The following PSMA1 variants were observed in gnomAD, a reference collection of about 807,000 sequenced individuals.
PSMA1 encodes the protein proteasome 20S subunit alpha 1.
In PSMA1, 3 loss-of-function variants were observed where a neutral mutation model predicts 38.4. The observed-to-expected ratio is 0.08, with a 90% CI of 0.04 to 0.20. The LOEUF is 0.20. PSMA1 is among the 10% of genes least tolerant of loss of function. PSMA1 has a pLI of 1.00. For missense variants in PSMA1, 227 were observed against 325.3 expected, an observed-to-expected ratio of 0.70 and a Z score of 2.32; for synonymous variants, 101 against 107.1, an observed-to-expected ratio of 0.94 and a Z score of 0.35.
At chr11:14,537,717 T>TC (rs1851726379) in intron 2 of PSMA1, among the ~76,000 whole-genome samples, 1 of 151,246 alleles carries the variant, frequency 6.6e-6, no homozygotes, top group East Asian at 1.9e-4. Flanking sequence ...TACCCTTTTT[T>TC]TTTTTTTTTT....
At chr11:14,601,760 T>TA (rs1852582938) in intron 2 of PSMA1, among the ~76,000 whole-genome samples, 2 of 152,172 alleles carry the variant, frequency 1.3e-5, no homozygotes, top group Non-Finnish European at 2.9e-5. Context: ...TCCGAGGCCA[T>TA]ATATCTAGTA....
At chr11:14,559,302 G>A (rs1223155350) in intron 2 of PSMA1, among the ~76,000 whole-genome samples, 1 of 152,172 alleles carries the variant, frequency 6.6e-6, no homozygotes, top group Non-Finnish European at 1.5e-5. Context: ...GATGTAGTGG[G>A]TTAAGGAAGG....
intron 1 of PSMA1, among the ~76,000 whole-genome samples, chr11:14,635,405 T>A (rs1383156984): frequency 1.3e-5 from 2 of 152,208 alleles, no homozygotes; most frequent in Admixed American, 1.3e-4. Context: ...GAGTTGTCAC[T>A]GGGAACAGTC....
chr11:14,513,292 C>T (rs906308946), intron 7 of PSMA1, among the ~76,000 whole-genome samples: 2 of 152,160 alleles, frequency 1.3e-5, no homozygotes, highest in Non-Finnish European at 2.9e-5. Context: ...CTCCACTCCA[C>T]AGGGCACACT....
chr11:14,573,464 C>T (rs192240457), intron 2 of PSMA1, among the ~76,000 whole-genome samples: 1 of 152,134 alleles, frequency 6.6e-6, no homozygotes, highest in African/African-American at 2.4e-5. Flanking sequence ...ATTCAACAGG[C>T]CTTCATGCTA....
chr11:14,554,029 G>T (rs1460532916), intron 2 of PSMA1, among the ~76,000 whole-genome samples: 2 of 151,992 alleles, frequency 1.3e-5, no homozygotes, highest in Non-Finnish European at 2.9e-5. Context: ...ATCTCATCAT[G>T]GTTTTAATTT....
intron 7 of PSMA1, among the ~76,000 whole-genome samples, chr11:14,512,095 T>C (rs1851353960): frequency 6.6e-6 from 1 of 152,114 alleles, no homozygotes; most frequent in Non-Finnish European, 1.5e-5. Flanking sequence ...AAATACCTGG[T>C]TGGGTGTGGT....
chr11:14,559,515 G>A (rs1245521212), intron 2 of PSMA1, among the ~76,000 whole-genome samples: 10 of 152,186 alleles, frequency 6.6e-5, no homozygotes, highest in African/African-American at 2.2e-4. Context: ...GGAAGGATGG[G>A]ATGGAAAAGC....
At chr11:14,588,428 C>T (rs1852374387) in intron 2 of PSMA1, among the ~76,000 whole-genome samples, 1 of 152,044 alleles carries the variant, frequency 6.6e-6, no homozygotes, top group Non-Finnish European at 1.5e-5. Flanking sequence ...GGACTTGATC[C>T]TACAAGTAAA....
intron 2 of PSMA1, among the ~76,000 whole-genome samples, chr11:14,538,582 T>C (rs1851737379): frequency 6.6e-6 from 1 of 152,252 alleles, no homozygotes; most frequent in Non-Finnish European, 1.5e-5. Flanking sequence ...GTGAATTTGG[T>C]TGAAAGGGTA....
chr11:14,611,714 T>C (rs567720526), intron 1 of PSMA1, among the ~76,000 whole-genome samples: 68 of 152,324 alleles, frequency 4.5e-4, no homozygotes, highest in African/African-American at 1.6e-3. Flanking sequence ...TCTTTGGTAA[T>C]GACACATACT....
intron 2 of PSMA1, among the ~76,000 whole-genome samples, chr11:14,547,281 T>C (rs761895239): frequency 5.3e-5 from 8 of 152,196 alleles, no homozygotes; most frequent in Non-Finnish European, 1.0e-4. Flanking sequence ...GAATTGGTCA[T>C]CACTTCAGTA....
At chr11:14,538,220 T>C (rs1589986705) in intron 2 of PSMA1, among the ~76,000 whole-genome samples, 4 of 152,230 alleles carry the variant, frequency 2.6e-5, no homozygotes, top group Admixed American at 2.6e-4. Context: ...TTTAATTGTG[T>C]GTACATTGCT....
intron 2 of PSMA1, among the ~76,000 whole-genome samples, chr11:14,583,607 C>T (rs1282280538): frequency 6.6e-6 from 1 of 152,186 alleles, no homozygotes; most frequent in Non-Finnish European, 1.5e-5. Flanking sequence ...ACTTTGGGCT[C>T]ATTATATGCT....
intron 2 of PSMA1, among the ~76,000 whole-genome samples, chr11:14,527,399 T>G (rs1851599249): frequency 6.6e-6 from 1 of 152,226 alleles, no homozygotes; most frequent in Non-Finnish European, 1.5e-5. Flanking sequence ...CATTCTATTC[T>G]ATCATCATTT....
At chr11:14,550,691 C>T (rs1046091029) in intron 2 of PSMA1, among the ~76,000 whole-genome samples, 4 of 152,000 alleles carry the variant, frequency 2.6e-5, no homozygotes, top group Admixed American at 6.6e-5. Flanking sequence ...GGTGGGGGAT[C>T]AGTTGGAGTG....
chr11:14,576,143 A>G (rs534646616), intron 2 of PSMA1, among the ~76,000 whole-genome samples: 2 of 151,936 alleles, frequency 1.3e-5, no homozygotes, highest in South Asian at 4.2e-4. Flanking sequence ...TTTTTCTTGT[A>G]AATTTGTTTA....
intron 2 of PSMA1, among the ~76,000 whole-genome samples, chr11:14,543,381 T>C (rs1402048586): frequency 6.6e-6 from 1 of 152,182 alleles, no homozygotes; most frequent in Non-Finnish European, 1.5e-5. Context: ...CAGTGGCTTC[T>C]TTTGTCTTTT....
chr11:14,536,431 G>A (rs1376370707), intron 2 of PSMA1, among the ~76,000 whole-genome samples: 2 of 151,730 alleles, frequency 1.3e-5, no homozygotes, highest in African/African-American at 4.8e-5. Context: ...GGAGGCTGAG[G>A]CAAGAGAATC....
Sources: allele counts gnomAD v4.1 joint callset (sites outside exome capture counted in the v4.1 genomes callset), GRCh38; gene constraint gnomAD v4.1.1; transcripts MANE v1.5; gene names NCBI Gene and HGNC (gene_info 2026-07-23, HGNC 2026-07-21).